Variants in CHN2 observed in about 807,000 individuals in gnomAD.
CHN2 encodes beta-chimaerin.
Under a neutral mutation model 56.3 loss-of-function variants are expected in CHN2, and 35 were observed. That is an observed-to-expected ratio of 0.62 (90% CI 0.47 to 0.82). The LOEUF (loss-of-function observed/expected upper bound fraction) is 0.82. Among genes scored for constraint, CHN2 ranks in the 40% least tolerant of loss-of-function variants. The pLI is 0.00. For synonymous variants in CHN2, 210 were observed against 212.8 expected, an observed-to-expected ratio of 0.99 and a Z score of 0.12; for missense variants, 491 against 580.5, an observed-to-expected ratio of 0.85 and a Z score of 1.58.
chr7:29,492,279 G>A (rs1334160200), intron 7 of CHN2, among the ~76,000 whole-genome samples: 1 of 152,014 alleles, frequency 6.6e-6, no homozygotes, highest in Non-Finnish European at 1.5e-5. Flanking sequence ...GGTTTTTGTT[G>A]TTGTTGTTGT....
intron 3 of CHN2, among the ~76,000 whole-genome samples, chr7:29,389,997 T>A (rs1364790758): frequency 6.9e-6 from 1 of 144,516 alleles, no homozygotes; most frequent in Non-Finnish European, 1.5e-5. Flanking sequence ...GAGGTTGTAG[T>A]GAGCTGAGAT....
chr7:29,238,498 A>C (rs976178696), intron 1 of CHN2, among the ~76,000 whole-genome samples: 1 of 152,202 alleles, frequency 6.6e-6, no homozygotes, highest in African/African-American at 2.4e-5. Flanking sequence ...TATATTGATC[A>C]TGAGCTATGT....
intron 1 of CHN2, chr7:29,195,326 G>C (rs1379002717): frequency 6.5e-6 from 2 of 308,210 alleles, no homozygotes; most frequent in Non-Finnish European, 1.2e-5. Flanking sequence ...TGGCGGGGCG[G>C]AGAAGGTTGG....
At position 29,509,301 on chromosome 7, in the gene CHN2, A is replaced by G. The variant is rs768835298; in HGVS notation, c.1130A>G (p.Lys377Arg). The G allele has an allele frequency of 1.9e-6, 3 of 1,612,850 alleles. No individual in the cohort carries two copies. In the South Asian group the frequency reaches 3.3e-5, roughly 18 times the overall value. ...TACCCATCATGCGTGAACTTCACAG[A>G]AATCTCCAATGCAGATGAGAGGCTG... ...DTYSKFIDAA[K>R]ISNADERLEA... The change falls in exon 12 of 13, where the codon AAA (lysine) becomes AGA (arginine). Residue 377 changes from lysine to arginine, a missense_variant and splice_region_variant. Coordinates refer to ENST00000222792, the MANE Select transcript of CHN2 (RefSeq NM_004067.4).
intron 1 of CHN2, among the ~76,000 whole-genome samples, chr7:29,306,447 AGATGT>A (rs901816981): frequency 3.3e-5 from 5 of 152,156 alleles, no homozygotes; most frequent in African/African-American, 1.2e-4. Flanking sequence ...AATGTAGAAG[AGATGT>A]GATGGGAAGG....
intron 1 of CHN2, among the ~76,000 whole-genome samples, chr7:29,204,067 C>CTGTGTGTGTGTGTG (rs55930139): frequency 1.6e-5 from 2 of 128,758 alleles, no homozygotes; most frequent in African/African-American, 3.1e-5. Context: ...TTCTCTCTCT[C>CTGTGTGTGTGTGTG]TGTGTGTGTG....
intron 6 of CHN2, among the ~76,000 whole-genome samples, chr7:29,440,589 G>T (rs766821130): frequency 1.3e-5 from 2 of 149,516 alleles, no homozygotes; most frequent in Admixed American, 6.8e-5. Context: ...TACTTGGGAC[G>T]CAGGAGAATC....
At chr7:29,352,686 G>A (rs1797979728) in intron 1 of CHN2, among the ~76,000 whole-genome samples, 1 of 152,106 alleles carries the variant, frequency 6.6e-6, no homozygotes, top group East Asian at 1.9e-4. Context: ...TCATGCCACT[G>A]CACTTCAGCC....
chr7:29,282,781 C>T (rs532122362), intron 1 of CHN2, among the ~76,000 whole-genome samples: 1 of 152,126 alleles, frequency 6.6e-6, no homozygotes, highest in African/African-American at 2.4e-5. Context: ...AGAACAAATG[C>T]CATGAAGATC....
chr7:29,156,713 TG>T (rs1393792540), intron 2 of CHN2, among the ~76,000 whole-genome samples: 1 of 152,234 alleles, frequency 6.6e-6, no homozygotes, highest in African/African-American at 2.4e-5. Flanking sequence ...AAAGCGACTA[TG>T]TATTACTCTC....
chr7:29,233,761 G>C (rs939340117), intron 1 of CHN2, among the ~76,000 whole-genome samples: 3 of 131,788 alleles, frequency 2.3e-5, no homozygotes, highest in Non-Finnish European at 5.0e-5. Context: ...GTAGAAGCTG[G>C]AAAAGGCCAA....
chr7:29,226,247 G>T (rs1786184879), intron 1 of CHN2, among the ~76,000 whole-genome samples: 2 of 152,022 alleles, frequency 1.3e-5, no homozygotes, highest in South Asian at 2.1e-4. Context: ...ATTATGAGCG[G>T]GGAAAAATGA....
chr7:29,233,893 G>A (rs1453696356), intron 1 of CHN2, among the ~76,000 whole-genome samples: 2 of 129,280 alleles, frequency 1.5e-5, no homozygotes, highest in Non-Finnish European at 3.2e-5. Flanking sequence ...GAGTGCAGTG[G>A]CGGGATCTCG....
intron 1 of CHN2, among the ~76,000 whole-genome samples, chr7:29,289,688 A>C (rs967663515): frequency 6.6e-6 from 1 of 152,246 alleles, no homozygotes; most frequent in African/African-American, 2.4e-5. Flanking sequence ...ATGCCCCAGC[A>C]CTTCCTACAT....
intron 6 of CHN2, among the ~76,000 whole-genome samples, chr7:29,468,682 G>A (rs12533294): frequency 0.012 from 1,763 of 152,174 alleles, 52 homozygotes; most frequent in Admixed American, 0.064. Context: ...CTTAAAACAC[G>A]TGCAATCAGA....
intron 1 of CHN2, among the ~76,000 whole-genome samples, chr7:29,302,041 G>C (rs1365125391): frequency 1.3e-5 from 2 of 152,172 alleles, no homozygotes; most frequent in Non-Finnish European, 2.9e-5. Flanking sequence ...GGAGCCCTAA[G>C]GCAGGACCTA....
chr7:29,449,121 A>G (rs1315878434), intron 6 of CHN2, among the ~76,000 whole-genome samples: 1 of 152,202 alleles, frequency 6.6e-6, no homozygotes, highest in African/African-American at 2.4e-5. Flanking sequence ...ATTTGCCGGC[A>G]AGTTAAACTT....
rs557803322 is a variant in CHN2 at position 29,213,995 on chromosome 7, G to A, written c.49+19005G>A. Among the ~76,000 whole-genome samples the A allele has an allele frequency of 8.4e-4, 128 of 152,206 alleles. 1 individual carries two copies. The South Asian group carries it at 0.026, about 31-fold the overall frequency. ...GTGTCTTTATTCATTAGTCTCAGAA[G>A]GGAAACACAAGTGACCTTAATGAAA... On this transcript the variant is annotated intron_variant, in intron 1 of 12. Coordinates refer to ENST00000222792, the MANE Select transcript of CHN2 (RefSeq NM_004067.4).
At chr7:29,335,320 T>G (rs1005989068) in intron 1 of CHN2, among the ~76,000 whole-genome samples, 8 of 152,020 alleles carry the variant, frequency 5.3e-5, no homozygotes, top group Admixed American at 5.2e-4. Flanking sequence ...AAAACAGCCC[T>G]TGCTGGAGGC....
Sources: allele counts gnomAD v4.1 joint callset (sites outside exome capture counted in the v4.1 genomes callset), GRCh38; gene constraint gnomAD v4.1.1; transcripts MANE v1.5; gene names NCBI Gene and HGNC (gene_info 2026-07-23, HGNC 2026-07-21).